Variants in ZNF560 observed in about 807,000 individuals in gnomAD.
ZNF560 encodes zinc finger protein 560.
Under a neutral mutation model 81.8 loss-of-function variants are expected in ZNF560, and 54 were observed. The observed-to-expected ratio is 0.66, with a 90% CI of 0.53 to 0.83. ZNF560 has a LOEUF of 0.83. Ranked by LOEUF, ZNF560 falls within the 40% of genes least tolerant of loss-of-function variation. The pLI is 0.00. For missense variants in ZNF560, 940 were observed against 932.4 expected (o/e 1.01, Z -0.11); for synonymous variants, 321 against 317.9 (o/e 1.01, Z -0.10).
intron 9 of ZNF560, 24 bp downstream of exon 9, chr19:9,469,081 A>G (rs757735929): frequency 2.6e-6 from 4 of 1,534,694 alleles, no homozygotes. Flanking sequence ...GTGAAAAATA[A>G]GAAAGTTCTT....
At chr19:9,502,205 CGGTTT>C (rs202091939), upstream of ZNF560, among the ~76,000 whole-genome samples, 10 of 151,530 alleles carry the variant, frequency 6.6e-5, no homozygotes, top group African/African-American at 9.7e-5. Flanking sequence ...TGTTTTGTTT[CGGTTT>C]GGTTTGGTTT....
At chr19:9,462,065 A>G (rs2072940540), downstream of ZNF560, among the ~76,000 whole-genome samples, 2 of 152,210 alleles carry the variant, frequency 1.3e-5, no homozygotes, top group African/African-American at 4.8e-5. Flanking sequence ...GAAGTAGCTC[A>G]CTGTGATAAA....
At position 9,469,499 on chromosome 19, in the gene ZNF560, T is replaced by C. The variant is rs543424758; in HGVS notation, c.529+131A>G. ...TGCAAAGCAATGGAGGATGAAAAGT[T>C]AAGATATCCCAAAACATCCAAGTCC... On this transcript the variant is annotated intron_variant, in intron 8 of 9. Transcript: ENST00000301480. 638 of 781,864 alleles carry C rather than the reference T, an allele frequency of 8.2e-4. 1 individual carries two copies. Among genetic ancestry groups the C allele is most frequent in the Non-Finnish European group, 1.3e-3 (590 of 465,202 alleles). 48.4% of individuals were successfully genotyped at this position (781,864 alleles called of 1,614,324 possible).
chr19:9,485,332 A>C (rs1167960337), intron 2 of ZNF560, among the ~76,000 whole-genome samples: 1 of 152,128 alleles, frequency 6.6e-6, no homozygotes, highest in East Asian at 1.9e-4. Flanking sequence ...CATAATGATC[A>C]AGTAGGATTT....
At chr19:9,469,056 C>G in intron 9 of ZNF560, 49 bp downstream of exon 9, 1 of 1,400,086 alleles carries the variant, frequency 7.1e-7, no homozygotes, top group Non-Finnish European at 9.8e-7. Flanking sequence ...AATGCAATAC[C>G]AGTCTTCTCT....
At chr19:9,493,738 T>C (rs1341190520) in intron 2 of ZNF560, among the ~76,000 whole-genome samples, 2 of 152,212 alleles carry the variant, frequency 1.3e-5, no homozygotes, top group Non-Finnish European at 2.9e-5. Flanking sequence ...CTTCTGTCTC[T>C]TTTCTATTTC....
intron 2 of ZNF560, among the ~76,000 whole-genome samples, chr19:9,495,919 C>T (rs992104594): frequency 3.9e-5 from 6 of 152,166 alleles, no homozygotes; most frequent in African/African-American, 1.4e-4. Context: ...AAACTAAAGT[C>T]TGTTCCTTAT....
the ZNF560 span, among the ~76,000 whole-genome samples, chr19:9,453,522 C>A: frequency 6.6e-6 from 1 of 151,936 alleles, no homozygotes; most frequent in South Asian, 2.1e-4. Context: ...GCAAAAGGCA[C>A]AAATACTTAA....
intron 9 of ZNF560, 148 bp downstream of exon 9, chr19:9,468,957 T>A (rs1388725447): frequency 1.7e-6 from 1 of 604,654 alleles, no homozygotes; most frequent in Non-Finnish European, 2.9e-6. Flanking sequence ...CTCGAACTCC[T>A]GACCTCATGA....
the ZNF560 span, among the ~76,000 whole-genome samples, chr19:9,446,365 T>TAC: frequency 0.16 from 23,341 of 144,708 alleles, 1,957 homozygotes; most frequent in Non-Finnish European, 0.2. Context: ...TGCCAAGTCA[T>TAC]ACACACACAC....
chr19:9,454,825 A>T, the ZNF560 span, among the ~76,000 whole-genome samples: 118 of 151,564 alleles, frequency 7.8e-4, no homozygotes, highest in Middle Eastern at 3.4e-3. Flanking sequence ...TTTCACACTG[A>T]TGATGAGGAG....
intron 2 of ZNF560, among the ~76,000 whole-genome samples, chr19:9,495,259 T>G (rs987095955): frequency 5.3e-5 from 8 of 152,212 alleles, no homozygotes; most frequent in Non-Finnish European, 7.3e-5. Context: ...ATTTGATGAC[T>G]GATAGAACTG....
At chr19:9,470,347 G>A (rs2073101464) in intron 7 of ZNF560, 45 bp downstream of exon 7, 2 of 1,565,642 alleles carry the variant, frequency 1.3e-6, no homozygotes, top group Middle Eastern at 1.7e-4. Context: ...TACATAATTT[G>A]TATCTTGTTC....
chr19:9,489,142 G>A (rs2073430314), intron 2 of ZNF560, among the ~76,000 whole-genome samples: 1 of 152,224 alleles, frequency 6.6e-6, no homozygotes, highest in Non-Finnish European at 1.5e-5. Flanking sequence ...TGTTGAAAAT[G>A]CAAACTTGGA....
chr19:9,468,464 G>T, intron 9 of ZNF560, 130 bp from the exon 10 acceptor site: 1 of 656,258 alleles, frequency 1.5e-6, no homozygotes, highest in South Asian at 2.6e-5. Flanking sequence ...CTACCTTTTG[G>T]ATTTCCTTCA....
chr19:9,461,154 T>C, the ZNF560 span, among the ~76,000 whole-genome samples: 5 of 152,212 alleles, frequency 3.3e-5, no homozygotes, highest in Admixed American at 6.5e-5. Flanking sequence ...CATCACAATA[T>C]AATCCTAATT....
chr19:9,490,442 G>C (rs1294738795), intron 2 of ZNF560, among the ~76,000 whole-genome samples: 1 of 152,184 alleles, frequency 6.6e-6, no homozygotes, highest in African/African-American at 2.4e-5. Context: ...TTGGCCTGCA[G>C]AGATTATTGG....
intron 2 of ZNF560, among the ~76,000 whole-genome samples, chr19:9,494,914 A>C (rs1356487275): frequency 6.7e-6 from 1 of 149,624 alleles, no homozygotes. Flanking sequence ...TCAAAAAAAA[A>C]CAAACAAACA....
At chr19:9,488,642 A>G (rs1261488810) in intron 2 of ZNF560, among the ~76,000 whole-genome samples, 2 of 152,184 alleles carry the variant, frequency 1.3e-5, no homozygotes, top group African/African-American at 2.4e-5. Context: ...CTCTGATAAT[A>G]TATCACAAGA....
Sources: allele counts gnomAD v4.1 joint callset (sites outside exome capture counted in the v4.1 genomes callset), GRCh38; gene constraint gnomAD v4.1.1; transcripts MANE v1.5; gene names NCBI Gene and HGNC (gene_info 2026-07-23, HGNC 2026-07-21).